The following SZT2 variants were observed in gnomAD, a reference collection of about 807,000 sequenced individuals.
SZT2 encodes SZT2 subunit of KICSTOR complex, also known as KICSTOR complex protein SZT2.
Under a neutral mutation model 404.2 loss-of-function variants are expected in SZT2, and 216 were observed. The ratio of observed to expected loss-of-function variants is 0.53; its 90% CI spans 0.48 to 0.60. The LOEUF (loss-of-function observed/expected upper bound fraction) is 0.60. SZT2 is among the 20% of genes least tolerant of loss of function. SZT2 has a pLI of 0.00. For missense variants in SZT2, 3,857 were observed against 4,459.2 expected, an observed-to-expected ratio of 0.86 and a Z score of 3.85; for synonymous variants, 1,693 against 1,749.9, an observed-to-expected ratio of 0.97 and a Z score of 0.81.
rs749628931 is a variant in SZT2 at position 43,450,356 on chromosome 1, G to A, written c.10175G>A (p.Arg3392Gln). ...LGKTSLTVVF[R>Q]EPFPVQPQDS... is the part of the protein sequence containing the mutation. ...CCACAGTCTCTGACAGTGGTTTTCC[G>A]AGAGCCCTTCCCAGTACAGCCCCAG... Residue 3392 changes from arginine to glutamine, a missense_variant, in exon 72 of 72, where the codon CGA becomes CAA. Around this residue, in one of 7 missense-constraint regions of SZT2, gnomAD observed 717 missense variants for 868.2 expected, o/e 0.83. Transcript: ENST00000634258. The surrounding 1 kb of genome is among the most constrained non-coding windows in gnomAD (Gnocchi z 4.3). 17 of 1,613,810 alleles carry A rather than the reference G, an allele frequency of 1.1e-5. No individual in the cohort carries two copies. Among genetic ancestry groups the A allele is most frequent in the African/African-American group, 6.7e-5 (5 of 74,828 alleles).
At chr1:43,443,164 A>C (rs186737504) in intron 59 of SZT2, 24 bp from the exon 60 acceptor site, 2 of 1,614,108 alleles carry the variant, frequency 1.2e-6, no homozygotes, top group Non-Finnish European at 1.7e-6. Flanking sequence ...GCCTGGGGCT[A>C]CTACTAATGC....
In SZT2 at chr1:43,446,163, T is replaced by G; in HGVS notation, c.8917-16T>G. On this transcript the variant is annotated splice_polypyrimidine_tract_variant and intron_variant, in intron 63 of 71. Coordinates refer to ENST00000634258, the MANE Select transcript of SZT2 (RefSeq NM_001365999.1). ...TGGTGAGCCCCCAAACCTTGCCCCCTTTTTTGTTTCTTCAGAGCACTAGCT... is the reference window on the plus strand; with the variant it reads ...TGGTGAGCCCCCAAACCTTGCCCCCGTTTTTGTTTCTTCAGAGCACTAGCT... 1.2e-6 allele frequency: 2 copies of G among 1,614,026 alleles called. No individual in the cohort carries two copies. Among genetic ancestry groups the G allele is most frequent in the Non-Finnish European group, 8.5e-7 (1 of 1,179,892 alleles).
At chr1:43,422,062 T>C (rs769560571) in intron 11 of SZT2, 21 bp from the exon 12 acceptor site, 2 of 1,589,458 alleles carry the variant, frequency 1.3e-6, no homozygotes, top group East Asian at 4.5e-5. Context: ...GCTCCTATAG[T>C]GCTGTCCTTC....
Position 43,424,249 on chromosome 1 carries a change from CCTT to C in SZT2, c.2292_2294del (p.Phe764del). 6.3e-7 allele frequency: 1 copy of C among 1,597,864 alleles called. No individual in the cohort carries two copies. ...AAGCTGCCCTTGGACTACCGGGCAC[CCTT>C]CTTGCTGACATTGGAGCCACCAGGT... On this transcript the variant is annotated inframe_deletion, in exon 16 of 72. Transcript: ENST00000634258. This position sits in a 1 kb window ranked among gnomAD's most constrained non-coding sequence, Gnocchi z 4.1.
At position 43,442,665 on chromosome 1, in the gene SZT2, C is replaced by A; in HGVS notation, c.8151+47C>A. The A allele has an allele frequency of 1.3e-6, 2 of 1,546,910 alleles. No individual in the cohort carries two copies. Among genetic ancestry groups the A allele is most frequent in the Non-Finnish European group, 1.7e-6 (2 of 1,147,966 alleles). On this transcript the variant is annotated intron_variant, in intron 58 of 71. Coordinates refer to ENST00000634258, the MANE Select transcript of SZT2 (RefSeq NM_001365999.1). The surrounding 1 kb of genome is among the most constrained non-coding windows in gnomAD (Gnocchi z 4.5). ...CCTATAGTTTTGGCTACTGAGGGGT[C>A]AGTTAAAGGAAAAACCAGCTCAGAA...
In SZT2 at chr1:43,404,368, C is replaced by G. The variant is rs918728621; in HGVS notation, c.328-12C>G. ...CTTTGGACCCCCTTGAGTGCTCTTTCTCTGCCCTCAGGATGATTCCACAGG... is the reference window on the plus strand; with the variant it reads ...CTTTGGACCCCCTTGAGTGCTCTTTGTCTGCCCTCAGGATGATTCCACAGG... On this transcript the variant is annotated splice_polypyrimidine_tract_variant and intron_variant, in intron 3 of 71. Transcript: ENST00000634258. The G allele has an allele frequency of 5.6e-6, 9 of 1,606,656 alleles. No homozygotes were observed. The highest frequency in any genetic ancestry group is 7.7e-6 in the Non-Finnish European group (9 of 1,175,360).
intron 30 of SZT2, 94 bp downstream of exon 30, chr1:43,430,197 C>A: frequency 6.4e-7 from 1 of 1,572,488 alleles, no homozygotes; most frequent in South Asian, 1.1e-5. Context: ...CTGGATGTGG[C>A]TCTTGTCTTG....
chr1:43,415,983 A>G lies in SZT2; in HGVS notation c.654A>G (p.Ser218=), dbSNP rs1651675089. 1.9e-6 allele frequency: 3 copies of G among 1,597,860 alleles called. No individual in the cohort carries two copies. Among genetic ancestry groups the G allele is most frequent in the Non-Finnish European group, 8.5e-7 (1 of 1,179,546 alleles). Residue 218 remains serine, a synonymous_variant, in exon 6 of 72, where the codon TCA becomes TCG. Coordinates refer to ENST00000634258, the MANE Select transcript of SZT2 (RefSeq NM_001365999.1). Reference sequence around the variant, plus strand: ...AGGCAGAAGACCAGTCCCCAGACTCAGGGGACCTACTGGGCCGGAAGGTAG... The same window carrying G: ...AGGCAGAAGACCAGTCCCCAGACTCGGGGGACCTACTGGGCCGGAAGGTAG... ...QSQAEDQSPD[S]GDLLGRKVGV... is the part of the protein sequence containing the mutation.
rs779051383 is a variant in SZT2 at position 43,422,761 on chromosome 1, C to G, written c.1923-8C>G. The G allele has an allele frequency of 1.3e-6, 2 of 1,571,688 alleles. No homozygotes were observed. The highest frequency in any genetic ancestry group is 2.3e-5 in the South Asian group (2 of 87,000). ...TTGGGCTGCTCACTGACTCCCATTT[C>G]TCCCCAGTGCCCCAGACCAGCCCCC... On this transcript the variant is annotated splice_region_variant and splice_polypyrimidine_tract_variant and intron_variant, in intron 13 of 71. Coordinates refer to ENST00000634258, the MANE Select transcript of SZT2 (RefSeq NM_001365999.1).
At position 43,391,907 on chromosome 1, in the gene SZT2, C is replaced by CAAAAT. The variant is rs1557494211; in HGVS notation, c.27+1912_27+1913insAAAAT. 3.5e-3 allele frequency among the ~76,000 whole-genome samples: 259 copies of CAAAAT among 72,964 alleles called. 88 individuals carry two copies. The highest frequency in any genetic ancestry group is 0.013 in the Middle Eastern group (2 of 150). The allele number at this position is 72,964 out of a possible 152,430, so 47.9% of individuals were successfully genotyped here. A position where few individuals can be genotyped will look rare whatever the true frequency, so the allele number is the denominator to read the frequency against. ...CCATCCTGGCTAAAACGGTGAAACCCTGTCTCTACTAAAAAAAATACAAAA... is the reference window on the plus strand; with the variant it reads ...CCATCCTGGCTAAAACGGTGAAACCCAAAATTGTCTCTACTAAAAAAAATACAAAA... On this transcript the variant is annotated intron_variant, in intron 1 of 71. Transcript: ENST00000634258.
At chr1:43,445,710 G>A in intron 62 of SZT2, 184 bp from the exon 63 acceptor site, 1 of 656,032 alleles carries the variant, frequency 1.5e-6, no homozygotes, top group Non-Finnish European at 2.7e-6. Flanking sequence ...CTGCTATGGA[G>A]AGAGCCCAGC....
At position 43,389,913 on chromosome 1, in the gene SZT2, A is replaced by T. The variant is rs1648051912; in HGVS notation, c.-56A>T. The T allele has an allele frequency of 1.3e-6, 2 of 1,538,028 alleles. No individual in the cohort carries two copies. Among genetic ancestry groups the T allele is most frequent in the African/African-American group, 1.4e-5 (1 of 72,284 alleles). Reference sequence around the variant, plus strand: ...TGCTGGGTGCCGAGGTAGCGAGGTCAGGGGTCAAGAGTGGAACACCCTCAC... The same window carrying T: ...TGCTGGGTGCCGAGGTAGCGAGGTCTGGGGTCAAGAGTGGAACACCCTCAC... On this transcript the variant is annotated 5_prime_UTR_variant, in exon 1 of 72. Transcript: ENST00000634258.
chr1:43,445,019 C>A (rs188749086), intron 62 of SZT2, among the ~76,000 whole-genome samples: 243 of 152,246 alleles, frequency 1.6e-3, no homozygotes, highest in African/African-American at 5.7e-3. Context: ...TCCTGTGATC[C>A]CATCTCAGAG....
At chr1:43,403,398 T>C (rs1442891535) in intron 2 of SZT2, 96 bp downstream of exon 2, 2 of 1,505,934 alleles carry the variant, frequency 1.3e-6, no homozygotes, top group Non-Finnish European at 1.8e-6. Context: ...AGACTAACTC[T>C]TAAGTCTGGT....
chr1:43,425,980 C>G lies in SZT2; in HGVS notation c.2929+31C>G. The G allele has an allele frequency of 6.2e-7, 1 of 1,612,068 alleles. No individual in the cohort carries two copies. ...TGGGGCAGGCGGCCCACTGGTGGAGCAGGGGAGTGGGTAGGGTAATCTGCG... is the reference window on the plus strand; with the variant it reads ...TGGGGCAGGCGGCCCACTGGTGGAGGAGGGGAGTGGGTAGGGTAATCTGCG... On this transcript the variant is annotated intron_variant, in intron 20 of 71. Coordinates refer to ENST00000634258, the MANE Select transcript of SZT2 (RefSeq NM_001365999.1). The surrounding 1 kb of genome is among the most constrained non-coding windows in gnomAD (Gnocchi z 4.3).
chr1:43,437,897 A>C lies in SZT2; in HGVS notation c.6503A>C (p.Gln2168Pro). The C allele has an allele frequency of 6.2e-7, 1 of 1,614,160 alleles. No homozygotes were observed. The highest frequency in any genetic ancestry group is 8.5e-7 in the Non-Finnish European group (1 of 1,180,020). ...CAGCTGCTGGTCCATGGTGTTGGGC[A>C]GGCAGGTAAGGTCTGAGGAGGGGGT... ...HIQLLVHGVG[Q>P]AGPEITDELV... Residue 2168 changes from glutamine (Q) to proline (P), a missense_variant, in exon 46 of 72, where the codon CAG becomes CCG. By Grantham distance (76) the Gln-to-Pro change is moderately conservative (BLOSUM62 -1). This residue lies in a region of SZT2 where 261 missense variants were observed against 372.9 expected (regional missense o/e 0.70). Coordinates refer to ENST00000634258, the MANE Select transcript of SZT2 (RefSeq NM_001365999.1). The surrounding 1 kb of genome is among the most constrained non-coding windows in gnomAD (Gnocchi z 5.3).
In SZT2 at chr1:43,424,716, A is replaced by C; in HGVS notation, c.2472-68A>C. ...TGCTGGGAGGTGGGTGTATGTGGGG[A>C]GAGCTTGTAGTCTCAGTGTCTCTTC... On this transcript the variant is annotated intron_variant, in intron 16 of 71. Coordinates refer to ENST00000634258, the MANE Select transcript of SZT2 (RefSeq NM_001365999.1). The surrounding 1 kb of genome is among the most constrained non-coding windows in gnomAD (Gnocchi z 4.1). The C allele has an allele frequency of 2.2e-6, 3 of 1,368,500 alleles. No individual in the cohort carries two copies. The highest frequency in any genetic ancestry group is 3.1e-6 in the Non-Finnish European group (3 of 963,566). 84.8% of individuals were successfully genotyped at this position (1,368,500 alleles called of 1,614,324 possible).
Position 43,426,632 on chromosome 1 carries a change from C to G in SZT2, c.3215-83C>G, listed in dbSNP as rs1184088096. The G allele has an allele frequency of 6.6e-7, 1 of 1,510,372 alleles. No homozygotes were observed. Among genetic ancestry groups the G allele is most frequent in the Non-Finnish European group, 8.9e-7 (1 of 1,117,750 alleles). The allele number at this position is 1,510,372 out of a possible 1,614,324, so 93.6% of individuals were successfully genotyped here. On this transcript the variant is annotated intron_variant, in intron 22 of 71. Coordinates refer to ENST00000634258, the MANE Select transcript of SZT2 (RefSeq NM_001365999.1). This position sits in a 1 kb window ranked among gnomAD's most constrained non-coding sequence, Gnocchi z 4.9. ...TTTCTGTCTTTGAGTTTTGGCTTTC[C>G]CCTTCCTCCCCCTTTCTTCAACCCA...
Position 43,452,904 on chromosome 1 carries a change from T to C in SZT2, c.*2424T>C, listed in dbSNP as rs1245971041. 2 of 1,599,890 alleles carry C rather than the reference T, an allele frequency of 1.3e-6. No homozygotes were observed. The highest frequency in any genetic ancestry group is 1.7e-5 in the Admixed American group (1 of 58,192). ...TCCCCATCCCAACAGGCTACATACATGTCCAGCCTCAGGAACGCTGCCAAA... is the reference window on the plus strand; with the variant it reads ...TCCCCATCCCAACAGGCTACATACACGTCCAGCCTCAGGAACGCTGCCAAA... On this transcript the variant is annotated 3_prime_UTR_variant, in exon 72 of 72. Coordinates refer to ENST00000634258, the MANE Select transcript of SZT2 (RefSeq NM_001365999.1).
Sources: allele counts gnomAD v4.1 joint callset (sites outside exome capture counted in the v4.1 genomes callset), GRCh38; gene constraint gnomAD v4.1.1; regional missense constraint gnomAD v4.1.1; non-coding constraint Gnocchi (gnomAD v3.1); transcripts MANE v1.5; gene names NCBI Gene and HGNC (gene_info 2026-07-23, HGNC 2026-07-21).